The following SYCP2L variants were observed in gnomAD, a reference collection of about 807,000 sequenced individuals.
The protein encoded by SYCP2L is synaptonemal complex protein 2 like, also known as synaptonemal complex protein 2-like.
Under a neutral mutation model 125.8 loss-of-function variants are expected in SYCP2L, and 98 were observed. The observed-to-expected ratio is 0.78, with a 90% confidence interval of 0.66 to 0.92. SYCP2L has a LOEUF of 0.92. Ranked by LOEUF, SYCP2L falls within the 40% of genes least tolerant of loss-of-function variation. The pLI, the probability that SYCP2L is intolerant of heterozygous loss-of-function variation, is 0.00. For missense variants in SYCP2L, 842 were observed against 936.4 expected, an observed-to-expected ratio of 0.90 and a Z score of 1.32; for synonymous variants, 317 against 325.4, an observed-to-expected ratio of 0.97 and a Z score of 0.28.
At chr6:10,962,384 G>T (rs1199473984) in intron 28 of SYCP2L, among the ~76,000 whole-genome samples, 2 of 145,464 alleles carry the variant, frequency 1.4e-5, no homozygotes, top group African/African-American at 5.4e-5. Flanking sequence ...GATGATGACT[G>T]TATGAACCAT....
chr6:10,971,824 C>T (rs1308962102), intron 29 of SYCP2L, among the ~76,000 whole-genome samples: 1 of 152,048 alleles, frequency 6.6e-6, no homozygotes, highest in Non-Finnish European at 1.5e-5. Context: ...ACAGGTGCCT[C>T]CCACCACACC....
chr6:10,889,920 G>A (rs367968777), intron 1 of SYCP2L, among the ~76,000 whole-genome samples: 1 of 152,204 alleles, frequency 6.6e-6, no homozygotes, highest in East Asian at 1.9e-4. Flanking sequence ...GCACCCGGCC[G>A]AGATCAGCTT....
Position 10,891,590 on chromosome 6 carries a change from C to T in SYCP2L, c.78+9C>T. 6.6e-7 allele frequency: 1 copy of T among 1,524,508 alleles called. No individual in the cohort carries two copies. The highest frequency in any genetic ancestry group is 9.0e-7 in the Non-Finnish European group (1 of 1,105,696). The allele number at this position is 1,524,508 out of a possible 1,614,324, so 94.4% of individuals were successfully genotyped here. ...AGGATGATGCTTTCTGGGTAAAGATCAAGTTTCTTTTATAATCTCTCTCTG... is the reference window on the plus strand; with the variant it reads ...AGGATGATGCTTTCTGGGTAAAGATTAAGTTTCTTTTATAATCTCTCTCTG... On this transcript the variant is annotated intron_variant, in intron 2 of 29. Transcript: ENST00000283141.
At chr6:10,963,968 T>A (rs1781635172) in intron 29 of SYCP2L, 125 bp downstream of exon 29, 1 of 687,858 alleles carries the variant, frequency 1.5e-6, no homozygotes, top group Admixed American at 3.2e-5. Context: ...TCCATTTTTT[T>A]TTTTTTTTTG....
At chr6:10,927,187 G>A in intron 16 of SYCP2L, 53 bp from the exon 17 acceptor site, 2 of 1,603,564 alleles carry the variant, frequency 1.2e-6, no homozygotes, top group Non-Finnish European at 1.7e-6. Flanking sequence ...CCACTGGTGA[G>A]TATGTCAGCG....
chr6:10,911,190 G>T (rs1214825036), intron 12 of SYCP2L, among the ~76,000 whole-genome samples: 2 of 152,094 alleles, frequency 1.3e-5, no homozygotes, highest in African/African-American at 4.8e-5. Context: ...CTAGACTGGG[G>T]TAAAAAGGAT....
rs148702832 is a variant in SYCP2L at position 10,924,388 on chromosome 6, CAG to C, written c.1073-106_1073-105del. The C allele has an allele frequency of 6.6e-3, 6,139 of 936,414 alleles. 247 individuals carry two copies. The African/African-American group carries it at 0.092, about 14-fold the overall frequency. 58.0% of individuals were successfully genotyped at this position (936,414 alleles called of 1,614,324 possible). On this transcript the variant is annotated intron_variant, in intron 14 of 29. Coordinates refer to ENST00000283141, the MANE Select transcript of SYCP2L (RefSeq NM_001040274.3). Reference sequence around the variant, plus strand: ...ATGATTTCTTTTCAACTTCTTAACACAGAAAAATCTGGACAAATACCCTAGCG... The same window carrying C: ...ATGATTTCTTTTCAACTTCTTAACACAAAAATCTGGACAAATACCCTAGCG...
intron 23 of SYCP2L, among the ~76,000 whole-genome samples, chr6:10,948,067 A>G (rs1323570124): frequency 1.3e-5 from 2 of 152,140 alleles, no homozygotes; most frequent in South Asian, 4.1e-4. Flanking sequence ...ATAATTGGCA[A>G]ATAAAAATTG....
At position 10,969,509 on chromosome 6, in the gene SYCP2L, C is replaced by T. The variant is rs190418147; in HGVS notation, c.*38-4443C>T. Among the ~76,000 whole-genome samples the T allele has an allele frequency of 2.9e-3, 437 of 151,768 alleles. 1 individual carries two copies. The highest frequency in any genetic ancestry group is 4.7e-3 in the Non-Finnish European group (316 of 67,890). ...CCGAGTAGCTGGGACTACAGGCGCC[C>T]GCCACCACGCCCAGCTAATTTTTTT... On this transcript the variant is annotated intron_variant, in intron 29 of 29. Coordinates refer to ENST00000283141, the MANE Select transcript of SYCP2L (RefSeq NM_001040274.3).
At chr6:10,919,202 GCT>G (rs1375130322) in intron 14 of SYCP2L, among the ~76,000 whole-genome samples, 1 of 152,160 alleles carries the variant, frequency 6.6e-6, no homozygotes, top group African/African-American at 2.4e-5. Flanking sequence ...ATTTGGGTAG[GCT>G]CTGTCAGAGG....
chr6:10,930,249 A>C (rs534269212), intron 18 of SYCP2L, 121 bp from the exon 19 acceptor site: 297 of 996,274 alleles, frequency 3.0e-4, no homozygotes, highest in Non-Finnish European at 4.2e-4. Flanking sequence ...ATATTATATA[A>C]GAGAGCCCAG....
chr6:10,921,262 T>G (rs1166301906), intron 14 of SYCP2L, among the ~76,000 whole-genome samples: 1 of 152,220 alleles, frequency 6.6e-6, no homozygotes, highest in Non-Finnish European at 1.5e-5. Context: ...TACCACATTT[T>G]CTTTATCCAG....
intron 14 of SYCP2L, among the ~76,000 whole-genome samples, chr6:10,919,252 T>G (rs1780747318): frequency 6.6e-6 from 1 of 152,216 alleles, no homozygotes; most frequent in Non-Finnish European, 1.5e-5. Context: ...CAGATTCTTT[T>G]GTCCCATGGG....
chr6:10,960,633 C>T (rs1480382168), intron 26 of SYCP2L, among the ~76,000 whole-genome samples: 1 of 151,906 alleles, frequency 6.6e-6, no homozygotes, highest in Non-Finnish European at 1.5e-5. Flanking sequence ...CATTCCTGAC[C>T]ACAGGTTTCA....
chr6:10,962,495 T>TTC (rs1026251999), intron 28 of SYCP2L, among the ~76,000 whole-genome samples: 57 of 152,250 alleles, frequency 3.7e-4, no homozygotes, highest in African/African-American at 1.3e-3. Flanking sequence ...TAGTTAGTGG[T>TTC]TCTCCAAGGT....
rs1561682113 is a variant in SYCP2L, at chr6:10,903,404, C to CG, written c.641+443dup. Reference sequence around the variant, plus strand: ...TCCACTAAAAATACAAAAAATTAGCCGGCTGTGGTGGTGGGCACCTGTAGT... The same window carrying CG: ...TCCACTAAAAATACAAAAAATTAGCCGGGCTGTGGTGGTGGGCACCTGTAGT... On this transcript the variant is annotated intron_variant, in intron 8 of 29. Coordinates refer to ENST00000283141, the MANE Select transcript of SYCP2L (RefSeq NM_001040274.3). Among the ~76,000 whole-genome samples, 10 of 152,196 alleles carry CG rather than the reference C, an allele frequency of 6.6e-5. No homozygotes were observed. In the East Asian group the frequency reaches 1.7e-3, roughly 26 times the overall value.
intron 14 of SYCP2L, among the ~76,000 whole-genome samples, chr6:10,918,790 TC>T (rs1780736919): frequency 6.6e-6 from 1 of 152,186 alleles, no homozygotes; most frequent in Non-Finnish European, 1.5e-5. Flanking sequence ...CACCTTGGCC[TC>T]CCAAAGTGCT....
chr6:10,893,962 T>C lies in SYCP2L; in HGVS notation c.174T>C (p.Tyr58=), dbSNP rs1289243793. 1.2e-6 allele frequency: 2 copies of C among 1,612,076 alleles called. No individual in the cohort carries two copies. Among genetic ancestry groups the C allele is most frequent in the Non-Finnish European group, 1.7e-6 (2 of 1,179,608 alleles). Residue 58 remains tyrosine, a synonymous_variant, in exon 3 of 30, where the codon TAT becomes TAC. Transcript: ENST00000283141. ...QQKESHFPQK[Y]NRLLLYRLDR... ...AAGAGAGCCACTTTCCTCAAAAATA[T>C]AATCGTCTTCTATTATACCGTCTTG...
chr6:10,961,714 C>G (rs1781596435), intron 28 of SYCP2L, among the ~76,000 whole-genome samples, 156 bp downstream of exon 28: 1 of 152,142 alleles, frequency 6.6e-6, no homozygotes, highest in Non-Finnish European at 1.5e-5. Flanking sequence ...TCCCTGAGGA[C>G]AGAGTGCGGC....
Sources: allele counts gnomAD v4.1 joint callset (sites outside exome capture counted in the v4.1 genomes callset), GRCh38; gene constraint gnomAD v4.1.1; transcripts MANE v1.5; gene names NCBI Gene and HGNC (gene_info 2026-07-23, HGNC 2026-07-21).